PHTF2: variants seen among roughly 807,000 people sequenced by gnomAD.
PHTF2 encodes the protein putative homeodomain transcription factor 2, also known as protein PHTF2.
In PHTF2, 60 loss-of-function variants were observed where a neutral mutation model predicts 101.2. The observed-to-expected ratio is 0.59, with a 90% CI of 0.48 to 0.73. The LOEUF (loss-of-function observed/expected upper bound fraction) is 0.73. Among genes scored for constraint, PHTF2 ranks in the 30% least tolerant of loss-of-function variants. The pLI, the probability that PHTF2 is intolerant of heterozygous loss-of-function variation, is 0.00. For missense variants in PHTF2, 747 were observed against 908.7 expected (o/e 0.82, Z 2.29); for synonymous variants, 311 against 307.3 (o/e 1.01, Z -0.13).
intron 1 of PHTF2, among the ~76,000 whole-genome samples, chr7:77,834,639 G>A (rs946082999): frequency 1.3e-5 from 2 of 152,102 alleles, no homozygotes; most frequent in African/African-American, 4.8e-5. Flanking sequence ...TTGAGTTGTG[G>A]AATATCTGGC....
intron 1 of PHTF2, among the ~76,000 whole-genome samples, chr7:77,815,002 G>A (rs972310923): frequency 2.6e-5 from 4 of 151,922 alleles, no homozygotes; most frequent in South Asian, 2.1e-4. Flanking sequence ...ATTTGAATCC[G>A]GGAGGTGGAG....
At chr7:77,863,344 CAG>C (rs917488951) in intron 3 of PHTF2, among the ~76,000 whole-genome samples, 5 of 152,170 alleles carry the variant, frequency 3.3e-5, no homozygotes, top group Non-Finnish European at 7.3e-5. Flanking sequence ...TTTGGGGAAT[CAG>C]AGGAATGACG....
chr7:77,882,546 A>G lies in PHTF2; in HGVS notation c.148-11062A>G, dbSNP rs553093161. Among the ~76,000 whole-genome samples the G allele has an allele frequency of 2.6e-5, 4 of 152,240 alleles. No individual in the cohort carries two copies. The East Asian group carries it at 5.8e-4, about 22-fold the overall frequency. On this transcript the variant is annotated intron_variant, in intron 3 of 19. Transcript: ENST00000416283. The stretch of plus-strand genomic sequence containing the variant: ...GCTTATAGTCAATAATATTTATTCC[A>G]TGGTTTAGACTTCTTTTCCCAATTA...
At chr7:77,872,248 A>C (rs146425551) in intron 3 of PHTF2, among the ~76,000 whole-genome samples, 9 of 152,210 alleles carry the variant, frequency 5.9e-5, no homozygotes, top group African/African-American at 2.2e-4. Flanking sequence ...AAAGAGACTG[A>C]GTGGTGTCAT....
intron 12 of PHTF2, among the ~76,000 whole-genome samples, chr7:77,929,681 A>G (rs1285250093): frequency 2.0e-5 from 3 of 152,152 alleles, no homozygotes; most frequent in African/African-American, 7.2e-5. Context: ...ATGAATATCA[A>G]ATTTGTAGCT....
intron 3 of PHTF2, among the ~76,000 whole-genome samples, chr7:77,863,754 A>G (rs944818561): frequency 1.4e-5 from 2 of 147,848 alleles, no homozygotes; most frequent in African/African-American, 5.0e-5. Flanking sequence ...TGTGCCTACT[A>G]TGTATCAGGC....
At chr7:77,872,358 G>A (rs1275008569) in intron 3 of PHTF2, among the ~76,000 whole-genome samples, 7 of 152,238 alleles carry the variant, frequency 4.6e-5, no homozygotes, top group African/African-American at 1.7e-4. Flanking sequence ...ACCACTCAGA[G>A]AGGTCCATCC....
chr7:77,846,581 C>T (rs927907263), intron 2 of PHTF2, among the ~76,000 whole-genome samples: 3 of 101,660 alleles, frequency 3.0e-5, no homozygotes, highest in Admixed American at 2.0e-4. Flanking sequence ...CCCCTCGCCT[C>T]CCCTCGCCTC....
At chr7:77,872,218 C>G (rs1034667877) in intron 3 of PHTF2, among the ~76,000 whole-genome samples, 1 of 152,052 alleles carries the variant, frequency 6.6e-6, no homozygotes, top group African/African-American at 2.4e-5. Context: ...GCCCATTGGA[C>G]GATGATGGGG....
chr7:77,951,765 A>C, intron 18 of PHTF2, 53 bp downstream of exon 17: 1 of 773,954 alleles, frequency 1.3e-6, no homozygotes, highest in Non-Finnish European at 2.1e-6. Context: ...TTCTGACATA[A>C]TTTTATTTTT....
At chr7:77,854,590 G>A in intron 2 of PHTF2, 2 of 620,230 alleles carry the variant, frequency 3.2e-6, no homozygotes, top group South Asian at 1.8e-5. Flanking sequence ...CCCAGGGCAG[G>A]TACAGAAATG....
exon 14 of PHTF2, chr7:77,940,211 T>C (rs769701520): frequency 6.2e-7 from 1 of 1,613,802 alleles, no homozygotes; most frequent in South Asian, 1.1e-5. Flanking sequence ...GTCATAGTTC[T>C]TTCTATGGTT....
At chr7:77,957,043 T>G (rs1379384362) in exon 20 of PHTF2, 1 of 152,206 alleles carries the variant, frequency 6.6e-6, no homozygotes, top group African/African-American at 2.4e-5. Flanking sequence ...AAATTGACAT[T>G]GCTGCCTTTA....
intron 11 of PHTF2, chr7:77,923,278 A>G: frequency 2.2e-6 from 2 of 903,346 alleles, no homozygotes; most frequent in Non-Finnish European, 2.6e-6. Context: ...TTGAGCTTCA[A>G]ATTGTTTAAA....
At chr7:77,841,569 G>A (rs1795889752) in intron 2 of PHTF2, among the ~76,000 whole-genome samples, 1 of 152,042 alleles carries the variant, frequency 6.6e-6, no homozygotes, top group Non-Finnish European at 1.5e-5. Context: ...GGCTCATGTG[G>A]TCCTCCTACC....
intron 1 of PHTF2, among the ~76,000 whole-genome samples, chr7:77,835,621 TG>T (rs934318852): frequency 9.2e-5 from 14 of 152,170 alleles, no homozygotes; most frequent in African/African-American, 3.4e-4. Flanking sequence ...CTTGAACAAT[TG>T]GGGTTAGGGA....
chr7:77,847,881 A>C (rs183694234), intron 2 of PHTF2, among the ~76,000 whole-genome samples: 2 of 152,252 alleles, frequency 1.3e-5, no homozygotes, highest in East Asian at 1.9e-4. Flanking sequence ...AGCCTCTGGT[A>C]ATGATCACTC....
intron 12 of PHTF2, among the ~76,000 whole-genome samples, chr7:77,932,639 T>A (rs1804716148): frequency 2.6e-5 from 4 of 151,564 alleles, no homozygotes; most frequent in African/African-American, 9.7e-5. Flanking sequence ...TGTGTGTGTG[T>A]GTGTGTGTGT....
At chr7:77,932,018 T>A (rs1002281136) in intron 12 of PHTF2, among the ~76,000 whole-genome samples, 4 of 152,108 alleles carry the variant, frequency 2.6e-5, no homozygotes, top group Non-Finnish European at 4.4e-5. Flanking sequence ...AAGAATCACT[T>A]GAACCTGGGA....
Sources: allele counts gnomAD v4.1 joint callset (sites outside exome capture counted in the v4.1 genomes callset), GRCh38; gene constraint gnomAD v4.1.1; transcripts MANE v1.5; gene names NCBI Gene and HGNC (gene_info 2026-07-23, HGNC 2026-07-21).